Variants in RAB10 observed in about 807,000 individuals in gnomAD.
RAB10 encodes the protein RAB10, member RAS oncogene family, also known as ras-related protein Rab-10.
RAB10 carries 5 observed loss-of-function variants against 25.7 expected under a neutral mutation model. The ratio of observed to expected loss-of-function variants is 0.19; its 90% CI spans 0.10 to 0.41. The LOEUF (loss-of-function observed/expected upper bound fraction) is 0.41. RAB10 is among the 10% of genes least tolerant of loss of function. The pLI is 1.00. For synonymous variants in RAB10, 89 were observed against 86.4 expected (o/e 1.03, Z -0.16); for missense variants, 103 against 245.8 (o/e 0.42, Z 3.89).
chr2:26,033,904 C>T (rs1665694354), upstream of RAB10, among the ~76,000 whole-genome samples: 1 of 152,240 alleles, frequency 6.6e-6, no homozygotes, highest in Admixed American at 6.5e-5. Flanking sequence ...AGCGCGCCCG[C>T]GGCCTCGCCC....
intron 1 of RAB10, among the ~76,000 whole-genome samples, chr2:26,080,131 G>A (rs1666836528): frequency 6.6e-6 from 1 of 152,194 alleles, no homozygotes; most frequent in Non-Finnish European, 1.5e-5. Context: ...TGGCTTGAAG[G>A]AGCTGTTAAT....
chr2:26,044,350 A>G (rs1037752024), intron 1 of RAB10, among the ~76,000 whole-genome samples: 2 of 152,174 alleles, frequency 1.3e-5, no homozygotes, highest in African/African-American at 4.8e-5. Context: ...ATGCTTTAAT[A>G]TCACTGGTCT....
intron 1 of RAB10, among the ~76,000 whole-genome samples, chr2:26,064,709 A>G (rs1297501737): frequency 6.6e-6 from 1 of 152,220 alleles, no homozygotes; most frequent in Non-Finnish European, 1.5e-5. Flanking sequence ...AAATATTTCA[A>G]CAAATTATGT....
chr2:26,048,504 TC>T (rs1211395610), intron 1 of RAB10, among the ~76,000 whole-genome samples: 2 of 152,224 alleles, frequency 1.3e-5, no homozygotes, highest in Non-Finnish European at 2.9e-5. Flanking sequence ...TTATTTGCCA[TC>T]TTTGGAAAAA....
At position 26,034,297 on chromosome 2, in the gene RAB10, C is replaced by T. The variant is rs1665707453; in HGVS notation, c.-312C>T. 1.8e-6 allele frequency: 1 copy of T among 548,054 alleles called. No individual in the cohort carries two copies. Among genetic ancestry groups the T allele is most frequent in the Non-Finnish European group, 3.3e-6 (1 of 307,134 alleles). The allele number at this position is 548,054 out of a possible 1,614,324, so 33.9% of individuals were successfully genotyped here. A position where few individuals can be genotyped will look rare whatever the true frequency, so the allele number is the denominator to read the frequency against. ...CTCGACGGCAGAGCAGGCTTGCTCGCCCGTGGGAGCGTCCCGGCCGAGAAG... is the reference window on the plus strand; with the variant it reads ...CTCGACGGCAGAGCAGGCTTGCTCGTCCGTGGGAGCGTCCCGGCCGAGAAG... On this transcript the variant is annotated 5_prime_UTR_variant, in exon 1 of 6. Coordinates refer to ENST00000264710, the MANE Select transcript of RAB10 (RefSeq NM_016131.5).
At position 26,127,209 on chromosome 2, in the gene RAB10, T is replaced by C. The variant is rs1377761207; in HGVS notation, c.393T>C (p.Val131=). 1.2e-6 allele frequency: 2 copies of C among 1,601,978 alleles called. No homozygotes were observed. The highest frequency in any genetic ancestry group is 2.7e-5 in the African/African-American group (2 of 74,392). Reference sequence around the variant, plus strand: ...AGTGTGATATGGACGACAAAAGAGTTGTACCTAAAGGAAAAGGAGAACAGG... The same window carrying C: ...AGTGTGATATGGACGACAAAAGAGTCGTACCTAAAGGAAAAGGAGAACAGG... ...GNKCDMDDKR[V]VPKGKGEQIA... The change falls in exon 4 of 6, where the codon GTT becomes GTC. Residue 131 remains valine (V), a synonymous_variant. Coordinates refer to ENST00000264710, the MANE Select transcript of RAB10 (RefSeq NM_016131.5).
chr2:26,034,150 C>G lies in RAB10; in HGVS notation c.-459C>G, dbSNP rs1226761401. ...AAAGGTGGCTCTGGCCGGGGTGGCTCGGTTTCCTGGGGCTATGTAACTGAG... is the reference window on the plus strand; with the variant it reads ...AAAGGTGGCTCTGGCCGGGGTGGCTGGGTTTCCTGGGGCTATGTAACTGAG... On this transcript the variant is annotated 5_prime_UTR_variant, in exon 1 of 6. Transcript: ENST00000264710. 2 of 406,752 alleles carry G rather than the reference C, an allele frequency of 4.9e-6. No homozygotes were observed. Among genetic ancestry groups the G allele is most frequent in the East Asian group, 3.5e-5 (1 of 28,458 alleles). The allele number at this position is 406,752 out of a possible 1,614,324, so 25.2% of individuals were successfully genotyped here. A position where few individuals can be genotyped will look rare whatever the true frequency, so the allele number is the denominator to read the frequency against.
chr2:26,034,450 T>TC lies in RAB10; in HGVS notation c.-157dup. 2.1e-6 allele frequency: 2 copies of TC among 949,614 alleles called. No homozygotes were observed. Among genetic ancestry groups the TC allele is most frequent in the Non-Finnish European group, 3.1e-6 (2 of 655,154 alleles). The allele number at this position is 949,614 out of a possible 1,614,324, so 58.8% of individuals were successfully genotyped here. A position where few individuals can be genotyped will look rare whatever the true frequency, so the allele number is the denominator to read the frequency against. On this transcript the variant is annotated 5_prime_UTR_variant, in exon 1 of 6. Coordinates refer to ENST00000264710, the MANE Select transcript of RAB10 (RefSeq NM_016131.5). ...ACTGGACGCCGCCACTGTCGGGGCT[T>TC]CCTCAAAGCTGTTCGTAGGTCGCCC...
At chr2:26,109,179 G>A (rs893841638) in intron 2 of RAB10, among the ~76,000 whole-genome samples, 2 of 152,028 alleles carry the variant, frequency 1.3e-5, no homozygotes, top group Non-Finnish European at 2.9e-5. Flanking sequence ...CGAAGGGCTG[G>A]GATTACAAGT....
At chr2:26,048,885 A>C (rs575348546) in intron 1 of RAB10, among the ~76,000 whole-genome samples, 2 of 152,238 alleles carry the variant, frequency 1.3e-5, no homozygotes, top group African/African-American at 4.8e-5. Flanking sequence ...ATAAAATTCT[A>C]GTCCTTTGTT....
chr2:26,095,064 G>A (rs912133843), intron 1 of RAB10, among the ~76,000 whole-genome samples: 3 of 152,172 alleles, frequency 2.0e-5, no homozygotes, highest in East Asian at 1.9e-4. Flanking sequence ...CAGTTTTTAC[G>A]TTTGCTGTTA....
At chr2:26,046,694 A>G (rs1322531692) in intron 1 of RAB10, among the ~76,000 whole-genome samples, 1 of 152,152 alleles carries the variant, frequency 6.6e-6, no homozygotes, top group Non-Finnish European at 1.5e-5. Flanking sequence ...TGGGATTTAT[A>G]GGTGGGAGCC....
intron 2 of RAB10, among the ~76,000 whole-genome samples, chr2:26,104,776 C>T (rs1384630319): frequency 2.8e-5 from 4 of 143,964 alleles, no homozygotes; most frequent in African/African-American, 1.0e-4. Context: ...CTTGCTCTGT[C>T]GCCCAGGCTG....
chr2:26,085,360 C>T (rs531311473), intron 1 of RAB10, among the ~76,000 whole-genome samples: 7 of 151,532 alleles, frequency 4.6e-5, no homozygotes, highest in Non-Finnish European at 7.4e-5. Flanking sequence ...TGTGGTGACG[C>T]GCGCCTGGTA....
chr2:26,069,228 A>G (rs559444068), intron 1 of RAB10, among the ~76,000 whole-genome samples: 5 of 152,300 alleles, frequency 3.3e-5, no homozygotes, highest in Admixed American at 2.0e-4. Flanking sequence ...GCCTTTGGCT[A>G]GTTGCACAGT....
chr2:26,132,947 T>A (rs922595573), intron 5 of RAB10, among the ~76,000 whole-genome samples: 1 of 152,154 alleles, frequency 6.6e-6, no homozygotes, highest in Non-Finnish European at 1.5e-5. Context: ...TGCCCCTTTT[T>A]CTTCTTTACA....
At chr2:26,035,881 T>G (rs984686081) in intron 1 of RAB10, among the ~76,000 whole-genome samples, 2 of 152,260 alleles carry the variant, frequency 1.3e-5, no homozygotes, top group Non-Finnish European at 2.9e-5. Flanking sequence ...ACCTGCTTCA[T>G]TCTCACAAAA....
intron 3 of RAB10, among the ~76,000 whole-genome samples, chr2:26,118,400 C>G (rs1477533620): frequency 6.6e-6 from 1 of 150,470 alleles, no homozygotes; most frequent in Non-Finnish European, 1.5e-5. Context: ...TAGCCCAGAC[C>G]TCCCGGGCAA....
intron 2 of RAB10, among the ~76,000 whole-genome samples, chr2:26,108,900 TA>T (rs1365311933): frequency 3.3e-5 from 5 of 149,594 alleles, no homozygotes; most frequent in African/African-American, 1.2e-4. Context: ...TTTATTTATT[TA>T]TTTATTTATT....
Sources: allele counts gnomAD v4.1 joint callset (sites outside exome capture counted in the v4.1 genomes callset), GRCh38; gene constraint gnomAD v4.1.1; transcripts MANE v1.5; gene names NCBI Gene and HGNC (gene_info 2026-07-23, HGNC 2026-07-21).